The following TBC1D1 variants were observed in gnomAD, a reference collection of about 807,000 sequenced individuals.
The protein encoded by TBC1D1 is TBC1 domain family member 1.
In TBC1D1, 89 loss-of-function variants were observed where a neutral mutation model predicts 125.6. That is an observed-to-expected ratio of 0.71 (90% CI 0.60 to 0.85). TBC1D1 has a LOEUF of 0.85. Among genes scored for constraint, TBC1D1 ranks in the 40% least tolerant of loss-of-function variants. The pLI, the probability that TBC1D1 is intolerant of heterozygous loss-of-function variation, is 0.00. For missense variants in TBC1D1, 1,377 were observed against 1,469.2 expected, an observed-to-expected ratio of 0.94 and a Z score of 1.03; for synonymous variants, 565 against 564.1, an observed-to-expected ratio of 1.00 and a Z score of -0.02.
intron 2 of TBC1D1, among the ~76,000 whole-genome samples, chr4:37,929,385 G>A (rs998046103): frequency 7.9e-5 from 12 of 152,182 alleles, no homozygotes; most frequent in Admixed American, 2.6e-4. Context: ...ATCATGTAGC[G>A]TTATATCAGC....
intron 11 of TBC1D1, chr4:38,052,058 G>T: frequency 6.4e-7 from 1 of 1,551,104 alleles, no homozygotes; most frequent in Non-Finnish European, 8.7e-7. Context: ...CTGTGCCAAA[G>T]AGGTGAGCAC....
chr4:38,038,948 GAA>G (rs565226039), intron 8 of TBC1D1, among the ~76,000 whole-genome samples: 1 of 137,808 alleles, frequency 7.3e-6, no homozygotes, highest in Non-Finnish European at 1.6e-5. Context: ...TCCCTCTCGG[GAA>G]AAAAAAAAAA....
At chr4:37,936,722 G>A (rs1724475752) in intron 2 of TBC1D1, among the ~76,000 whole-genome samples, 1 of 152,120 alleles carries the variant, frequency 6.6e-6, no homozygotes, top group South Asian at 2.1e-4. Flanking sequence ...ATAAAGGAAG[G>A]GCAGGGTCTG....
intron 12 of TBC1D1, among the ~76,000 whole-genome samples, chr4:38,072,951 T>C (rs1754953605): frequency 6.6e-6 from 1 of 152,246 alleles, no homozygotes; most frequent in African/African-American, 2.4e-5. Context: ...AGGATTTCTC[T>C]CTTTTTTTTC....
At chr4:37,926,254 C>G (rs1338273316) in intron 2 of TBC1D1, among the ~76,000 whole-genome samples, 1 of 152,188 alleles carries the variant, frequency 6.6e-6, no homozygotes, top group Non-Finnish European at 1.5e-5. Flanking sequence ...GATTCCCTCC[C>G]TTTGTGCCTC....
chr4:37,997,161 C>T (rs1279984277), intron 2 of TBC1D1, among the ~76,000 whole-genome samples: 2 of 152,238 alleles, frequency 1.3e-5, no homozygotes, highest in Non-Finnish European at 2.9e-5. Context: ...TTTATCTAAA[C>T]TCAAGCTTGA....
rs1319327841 is a variant in TBC1D1, at chr4:38,044,364, A to T, written c.1416A>T (p.Thr472=). ...CTTTTCGTTTTTCACTTTTTTAGAC[A>T]TCGCAGATGGCAGCAGAGAATATTG... The change falls in exon 9 of 20, where the codon ACA becomes ACT. Residue 472 remains threonine (T), a splice_region_variant and synonymous_variant. Transcript: ENST00000261439. 6.3e-7 allele frequency: 1 copy of T among 1,597,210 alleles called. No homozygotes were observed. Among genetic ancestry groups the T allele is most frequent in the African/African-American group, 1.4e-5 (1 of 73,784 alleles).
intron 18 of TBC1D1, among the ~76,000 whole-genome samples, chr4:38,125,497 T>C (rs1764498031): frequency 6.6e-6 from 1 of 152,230 alleles, no homozygotes; most frequent in African/African-American, 2.4e-5. Context: ...TTGATTTGTG[T>C]GTGTGTATGT....
intron 2 of TBC1D1, among the ~76,000 whole-genome samples, chr4:38,002,689 C>G (rs773683362): frequency 6.6e-6 from 1 of 152,154 alleles, no homozygotes; most frequent in Admixed American, 6.5e-5. Flanking sequence ...TGGGAGCTGA[C>G]CTTTATTTAG....
chr4:38,014,441 G>C lies in TBC1D1; in HGVS notation c.418-68G>C. 6.7e-7 allele frequency: 1 copy of C among 1,485,010 alleles called. No individual in the cohort carries two copies. Among genetic ancestry groups the C allele is most frequent in the Non-Finnish European group, 9.3e-7 (1 of 1,076,664 alleles). The allele number at this position is 1,485,010 out of a possible 1,614,324, so 92.0% of individuals were successfully genotyped here. The stretch of plus-strand genomic sequence containing the variant: ...CCAGCGGGGCGTCCCGAAAGAGCAT[G>C]GTGCATTCATTCCGTGAGTGCCAGC... On this transcript the variant is annotated intron_variant, in intron 2 of 19. Coordinates refer to ENST00000261439, the MANE Select transcript of TBC1D1 (RefSeq NM_015173.4). The surrounding 1 kb of genome is among the most constrained non-coding windows in gnomAD (Gnocchi z 5.1).
intron 13 of TBC1D1, among the ~76,000 whole-genome samples, chr4:38,095,218 A>G (rs942553519): frequency 3.3e-5 from 5 of 152,206 alleles, no homozygotes; most frequent in Admixed American, 1.3e-4. Flanking sequence ...AAATCACCTG[A>G]TCCTCCTGAA....
At chr4:38,092,010 T>C (rs1472235341) in intron 13 of TBC1D1, among the ~76,000 whole-genome samples, 1 of 152,244 alleles carries the variant, frequency 6.6e-6, no homozygotes, top group African/African-American at 2.4e-5. Context: ...CTTAATATAA[T>C]GTTGGAAGTA....
intron 2 of TBC1D1, among the ~76,000 whole-genome samples, chr4:37,912,067 T>A (rs1182331074): frequency 2.6e-5 from 4 of 152,218 alleles, no homozygotes; most frequent in Admixed American, 2.0e-4. Flanking sequence ...CTCAGGACTT[T>A]CGCAAGTCAT....
intron 2 of TBC1D1, among the ~76,000 whole-genome samples, chr4:37,989,262 C>G (rs1736067614): frequency 6.6e-6 from 1 of 152,198 alleles, no homozygotes. Flanking sequence ...TCTTAACCTA[C>G]ACACTTATTT....
At chr4:37,899,121 G>A (rs1478231554) in intron 1 of TBC1D1, among the ~76,000 whole-genome samples, 1 of 152,140 alleles carries the variant, frequency 6.6e-6, no homozygotes, top group East Asian at 1.9e-4. Context: ...TGGATTGAAG[G>A]ATGGGGCACC....
chr4:38,024,932 C>CA (rs1158790326), intron 6 of TBC1D1, among the ~76,000 whole-genome samples: 2 of 152,188 alleles, frequency 1.3e-5, no homozygotes, highest in African/African-American at 4.8e-5. Flanking sequence ...AAGATAGAAT[C>CA]AATAACGCTG....
At chr4:37,908,346 C>T (rs1021343206) in intron 2 of TBC1D1, among the ~76,000 whole-genome samples, 6 of 152,124 alleles carry the variant, frequency 3.9e-5, no homozygotes, top group African/African-American at 1.4e-4. Context: ...GCTGGGATTA[C>T]AGGCGCCCGC....
intron 2 of TBC1D1, among the ~76,000 whole-genome samples, chr4:37,948,566 G>T (rs1727205648): frequency 6.6e-6 from 1 of 151,606 alleles, no homozygotes; most frequent in Admixed American, 6.6e-5. Flanking sequence ...GGTGGGGGTT[G>T]CAGTGAGCCG....
intron 12 of TBC1D1, among the ~76,000 whole-genome samples, chr4:38,083,193 G>A (rs1756876432): frequency 6.6e-6 from 1 of 152,152 alleles, no homozygotes; most frequent in African/African-American, 2.4e-5. Flanking sequence ...TGGTTAAAGT[G>A]CTAAAGAATG....
Sources: allele counts gnomAD v4.1 joint callset (sites outside exome capture counted in the v4.1 genomes callset), GRCh38; gene constraint gnomAD v4.1.1; non-coding constraint Gnocchi (gnomAD v3.1); transcripts MANE v1.5; gene names NCBI Gene and HGNC (gene_info 2026-07-23, HGNC 2026-07-21).